The following PPP1R1C variants were observed in gnomAD, a reference collection of about 807,000 sequenced individuals.
PPP1R1C encodes protein phosphatase 1 regulatory subunit 1C.
A neutral mutation model predicts 17.4 loss-of-function variants in PPP1R1C; 15 were observed. The ratio of observed to expected loss-of-function variants is 0.86; its 90% confidence interval spans 0.58 to 1.33. The LOEUF (loss-of-function observed/expected upper bound fraction) is 1.33. Among genes scored for constraint, PPP1R1C ranks in the 40% most tolerant of loss-of-function variants. The pLI, the probability that PPP1R1C is intolerant of heterozygous loss-of-function variation, is 0.00. For missense variants in PPP1R1C, 143 were observed against 130.0 expected (o/e 1.10, Z -0.48); for synonymous variants, 35 against 43.1 (o/e 0.81, Z 0.73).
intron 4 of PPP1R1C, among the ~76,000 whole-genome samples, chr2:182,100,001 C>T (rs1261184712): frequency 6.6e-6 from 1 of 152,092 alleles, no homozygotes; most frequent in East Asian, 1.9e-4. Flanking sequence ...AAAAAAGTCC[C>T]AAACTTTCTC....
rs1684821154 is a variant in PPP1R1C, at chr2:181,962,577, G to A, written n.111+7943G>A. 4.0e-6 allele frequency: 2 copies of A among 499,038 alleles called. No individual in the cohort carries two copies. The highest frequency in any genetic ancestry group is 2.3e-5 in the South Asian group (1 of 43,282). 30.9% of individuals were successfully genotyped at this position (499,038 alleles called of 1,614,324 possible). On this transcript the variant is annotated intron_variant and non_coding_transcript_variant, in intron 1 of 5. Coordinates refer to the PPP1R1C transcript ENST00000464264. The surrounding 1 kb of genome is among the most constrained non-coding windows in gnomAD (Gnocchi z 6.0). ...TGCAGAGAAACATCAAGCTCAGATCGAACAAAGCAAAGAGCGGGAGGGGCC... is the reference window on the plus strand; with the variant it reads ...TGCAGAGAAACATCAAGCTCAGATCAAACAAAGCAAAGAGCGGGAGGGGCC...
chr2:182,099,704 A>G lies in PPP1R1C; in HGVS notation c.242-17503A>G, dbSNP rs575257230. ...AGGATTTAAACAATTTTTCTTTGCT[A>G]TGTTTCCCTAGAGACTTTAGGAGAT... On this transcript the variant is annotated intron_variant, in intron 4 of 4. Transcript: ENST00000682840. Among the ~76,000 whole-genome samples the G allele has an allele frequency of 8.3e-4, 126 of 152,332 alleles. 1 individual carries two copies. Among genetic ancestry groups the G allele is most frequent in the African/African-American group, 2.9e-3 (119 of 41,580 alleles).
At chr2:182,104,991 A>G (rs988450367) in intron 4 of PPP1R1C, among the ~76,000 whole-genome samples, 14 of 152,144 alleles carry the variant, frequency 9.2e-5, no homozygotes, top group Non-Finnish European at 1.2e-4. Context: ...AGCAGAATGG[A>G]AGAAACTGAC....
At chr2:181,963,639 T>C (rs1574340802) in intron 1 of PPP1R1C, among the ~76,000 whole-genome samples, 1 of 152,136 alleles carries the variant, frequency 6.6e-6, no homozygotes, top group East Asian at 1.9e-4. Flanking sequence ...AGAGAAACTC[T>C]GTCTCAAAAA....
intron 1 of PPP1R1C, among the ~76,000 whole-genome samples, chr2:181,970,806 T>C (rs1684993284): frequency 6.6e-6 from 1 of 152,118 alleles, no homozygotes. Context: ...CTTCCTACTC[T>C]TCCATCTCCT....
At position 181,986,617 on chromosome 2, in the gene PPP1R1C, G is replaced by C. The variant is rs572117808; in HGVS notation, c.81+426G>C. ...ATCCTGCAATAGTTTGAGACTATAG[G>C]CCTAATACTTTATTTTCATATGTTT... On this transcript the variant is annotated intron_variant, in intron 1 of 4. Transcript: ENST00000682840. 7.6e-4 allele frequency among the ~76,000 whole-genome samples: 116 copies of C among 152,142 alleles called. 1 individual carries two copies. Among genetic ancestry groups the C allele is most frequent in the African/African-American group, 2.7e-3 (112 of 41,502 alleles).
At chr2:182,045,049 T>C (rs2125182870) in intron 2 of PPP1R1C, among the ~76,000 whole-genome samples, 1 of 152,316 alleles carries the variant, frequency 6.6e-6, no homozygotes, top group East Asian at 1.9e-4. Flanking sequence ...TGGTATCTTG[T>C]TACATGTCTG....
chr2:182,038,871 C>G (rs1687095678), intron 2 of PPP1R1C, among the ~76,000 whole-genome samples: 1 of 152,100 alleles, frequency 6.6e-6, no homozygotes, highest in South Asian at 2.1e-4. Flanking sequence ...AAGCTCCAGG[C>G]AGGTAGATTT....
chr2:182,109,281 T>C (rs2125233132), intron 4 of PPP1R1C, among the ~76,000 whole-genome samples: 1 of 152,316 alleles, frequency 6.6e-6, no homozygotes, highest in African/African-American at 2.4e-5. Flanking sequence ...ACATTTTCTC[T>C]CAGTCTATGG....
chr2:182,023,569 A>C (rs902703576), intron 2 of PPP1R1C, among the ~76,000 whole-genome samples: 1 of 152,192 alleles, frequency 6.6e-6, no homozygotes, highest in African/African-American at 2.4e-5. Flanking sequence ...AAGGACATTG[A>C]TGATCCAACA....
intron 4 of PPP1R1C, among the ~76,000 whole-genome samples, chr2:182,079,520 T>C (rs566469240): frequency 6.6e-6 from 1 of 152,316 alleles, no homozygotes; most frequent in South Asian, 2.1e-4. Flanking sequence ...TGAATTCTAG[T>C]TCCATTTAAC....
chr2:181,959,951 TA>T (rs939930655), intron 1 of PPP1R1C, among the ~76,000 whole-genome samples: 15 of 152,176 alleles, frequency 9.9e-5, no homozygotes, highest in African/African-American at 3.4e-4. Context: ...TCCAATGATC[TA>T]AAAAAAATTA....
intron 2 of PPP1R1C, among the ~76,000 whole-genome samples, chr2:182,027,086 C>T (rs994449008): frequency 2.1e-5 from 3 of 143,040 alleles, no homozygotes; most frequent in Non-Finnish European, 3.0e-5. Flanking sequence ...GCTGAAGTTG[C>T]TTATCAGCTT....
chr2:181,998,932 G>A (rs1396401910), intron 2 of PPP1R1C, among the ~76,000 whole-genome samples: 1 of 152,184 alleles, frequency 6.6e-6, no homozygotes, highest in Non-Finnish European at 1.5e-5. Context: ...CAGCATGAAT[G>A]ATTGGACTAA....
intron 4 of PPP1R1C, among the ~76,000 whole-genome samples, chr2:182,085,493 C>T (rs1281127913): frequency 2.0e-5 from 3 of 151,970 alleles, no homozygotes; most frequent in Admixed American, 6.6e-5. Context: ...CCCTTCAGCC[C>T]CCATTCGAGT....
chr2:181,958,358 G>A (rs1684704480), intron 1 of PPP1R1C, among the ~76,000 whole-genome samples: 2 of 152,178 alleles, frequency 1.3e-5, no homozygotes, highest in Admixed American at 1.3e-4. Flanking sequence ...TATAAGTATG[G>A]CCAAAAAGGC....
chr2:182,124,603 G>C (rs1412758177), intron 5 of PPP1R1C, among the ~76,000 whole-genome samples: 6 of 151,942 alleles, frequency 3.9e-5, no homozygotes, highest in African/African-American at 1.4e-4. Context: ...TCCTTAGAGA[G>C]GTCCTTCACA....
chr2:182,031,610 T>C (rs940804767), intron 2 of PPP1R1C, among the ~76,000 whole-genome samples: 7 of 152,206 alleles, frequency 4.6e-5, no homozygotes, highest in African/African-American at 1.7e-4. Context: ...TACTTAGGCA[T>C]AATTTGTATT....
At chr2:182,113,583 C>T (rs1306310487) in intron 4 of PPP1R1C, among the ~76,000 whole-genome samples, 2 of 152,132 alleles carry the variant, frequency 1.3e-5, no homozygotes, top group Non-Finnish European at 2.9e-5. Context: ...CTGCCAGGAG[C>T]TCTGTGCCTA....
Sources: allele counts gnomAD v4.1 joint callset (sites outside exome capture counted in the v4.1 genomes callset), GRCh38; gene constraint gnomAD v4.1.1; non-coding constraint Gnocchi (gnomAD v3.1); transcripts MANE v1.5; gene names NCBI Gene and HGNC (gene_info 2026-07-23, HGNC 2026-07-21).